Variants in ILDR1 observed in about 807,000 individuals in gnomAD.
The protein encoded by ILDR1 is immunoglobulin like domain containing receptor 1, also known as immunoglobulin-like domain-containing receptor 1.
In ILDR1, 56 loss-of-function variants were observed where a neutral mutation model predicts 62.4. The ratio of observed to expected loss-of-function variants is 0.90; its 90% CI spans 0.72 to 1.12. ILDR1 has a LOEUF of 1.12. Ranked by LOEUF, ILDR1 falls within the 50% of genes most tolerant of loss-of-function variation. ILDR1 has a pLI of 0.00. For synonymous variants in ILDR1, 284 were observed against 277.8 expected, an observed-to-expected ratio of 1.02 and a Z score of -0.22; for missense variants, 736 against 710.6, an observed-to-expected ratio of 1.04 and a Z score of -0.41.
At chr3:122,055,590 T>C in the ILDR1 span, 1 of 1,212,840 alleles carries the variant, frequency 8.2e-7, no homozygotes, top group Non-Finnish European at 1.2e-6. Context: ...CTTTGATGTG[T>C]GTCCTTCACT....
chr3:122,030,623 T>TTTTCTCTCTC, the ILDR1 span, among the ~76,000 whole-genome samples: 2 of 147,526 alleles, frequency 1.4e-5, no homozygotes, highest in African/African-American at 2.5e-5. Context: ...GCAAGGGTTT[T>TTTTCTCTCTC]TCTCTCTCTC....
chr3:122,024,181 G>T (rs2071902569), upstream of ILDR1, among the ~76,000 whole-genome samples: 2 of 152,204 alleles, frequency 1.3e-5, no homozygotes, highest in South Asian at 4.1e-4. Context: ...AGAAATGCTG[G>T]ATTAAACTAA....
At chr3:121,994,153 C>G in intron 6 of ILDR1, 29 bp downstream of exon 6, 1 of 1,535,312 alleles carries the variant, frequency 6.5e-7, no homozygotes, top group South Asian at 1.2e-5. Flanking sequence ...CTCTGCCCTC[C>G]CCTATCCCAA....
chr3:122,051,404 G>T, the ILDR1 span, among the ~76,000 whole-genome samples: 1 of 151,974 alleles, frequency 6.6e-6, no homozygotes, highest in Non-Finnish European at 1.5e-5. Context: ...GCTTGATCAA[G>T]TCTGTAGTTG....
chr3:122,045,394 G>A, the ILDR1 span, among the ~76,000 whole-genome samples: 1 of 151,984 alleles, frequency 6.6e-6, no homozygotes, highest in Non-Finnish European at 1.5e-5. Flanking sequence ...TGTATATTGT[G>A]TTGATTTGGG....
chr3:122,003,121 C>T (rs76707403), intron 3 of ILDR1, among the ~76,000 whole-genome samples: 3,921 of 152,314 alleles, frequency 0.026, 66 homozygotes, highest in Non-Finnish European at 0.04. Context: ...AGGGCAGCCT[C>T]CGTGTGAAGT....
intron 1 of ILDR1, among the ~76,000 whole-genome samples, chr3:122,018,893 C>T (rs1043466933): frequency 2.6e-5 from 4 of 152,178 alleles, no homozygotes; most frequent in East Asian, 1.9e-4. Context: ...ATTAAGTCTA[C>T]GGTATGGTCC....
At chr3:122,008,098 T>C (rs903066979) in intron 1 of ILDR1, among the ~76,000 whole-genome samples, 1 of 152,212 alleles carries the variant, frequency 6.6e-6, no homozygotes, top group Non-Finnish European at 1.5e-5. Flanking sequence ...ATGGAATGAA[T>C]GACTAAGAAT....
At chr3:122,021,890 C>T in intron 1 of ILDR1, 130 bp downstream of exon 1, 3 of 820,312 alleles carry the variant, frequency 3.7e-6, no homozygotes, top group Non-Finnish European at 6.0e-6. Flanking sequence ...CTCCTGGCGC[C>T]CATGCCAAGC....
the ILDR1 span, among the ~76,000 whole-genome samples, chr3:122,030,192 A>G: frequency 3.9e-5 from 6 of 152,170 alleles, no homozygotes; most frequent in Admixed American, 2.6e-4. Flanking sequence ...TCAACATTTT[A>G]TTATAAGGGG....
At chr3:121,991,335 A>G (rs562040992) in intron 7 of ILDR1, among the ~76,000 whole-genome samples, 1 of 152,378 alleles carries the variant, frequency 6.6e-6, no homozygotes, top group East Asian at 1.9e-4. Context: ...AAAGAAAATA[A>G]TTTAACTTAG....
chr3:122,037,300 C>A, the ILDR1 span, among the ~76,000 whole-genome samples: 1 of 152,214 alleles, frequency 6.6e-6, no homozygotes, highest in Admixed American at 6.5e-5. Context: ...AGGCACTCAA[C>A]ACCAGCCCAT....
chr3:122,035,570 A>G, the ILDR1 span, among the ~76,000 whole-genome samples: 1 of 152,204 alleles, frequency 6.6e-6, no homozygotes, highest in Non-Finnish European at 1.5e-5. Context: ...TATTCTCATG[A>G]TAGTGAGTAA....
the ILDR1 span, among the ~76,000 whole-genome samples, chr3:122,029,029 C>T: frequency 1.3e-5 from 2 of 151,876 alleles, no homozygotes; most frequent in African/African-American, 2.4e-5. Context: ...TGTTTATTCA[C>T]GAGTGAGATA....
At chr3:122,057,559 C>G in the ILDR1 span, among the ~76,000 whole-genome samples, 1 of 151,982 alleles carries the variant, frequency 6.6e-6, no homozygotes, top group Non-Finnish European at 1.5e-5. Flanking sequence ...CTACTGTGTG[C>G]TTTTCAATTT....
chr3:122,005,231 C>G lies in ILDR1; in HGVS notation c.379+13G>C, dbSNP rs1192368591. 7.0e-7 allele frequency: 1 copy of G among 1,423,150 alleles called. No homozygotes were observed. The highest frequency in any genetic ancestry group is 1.1e-5 in the South Asian group (1 of 87,334). The allele number at this position is 1,423,150 out of a possible 1,614,324, so 88.2% of individuals were successfully genotyped here. ...CCCACCCCCAGTTCCCCTGACACCT[C>G]CCCCGCACTCACGGTTCTGGATGGT... is the stretch of plus-strand genomic sequence containing the variant. On this transcript the variant is annotated intron_variant, in intron 3 of 7. Transcript: ENST00000344209.
the ILDR1 span, among the ~76,000 whole-genome samples, chr3:122,028,267 T>C: frequency 2.3e-5 from 3 of 132,686 alleles, no homozygotes; most frequent in South Asian, 2.3e-4. Flanking sequence ...ACCCGGGAGG[T>C]GGAGCTTGCA....
the ILDR1 span, among the ~76,000 whole-genome samples, chr3:122,040,721 T>A: frequency 8.9e-6 from 1 of 111,922 alleles, no homozygotes. Flanking sequence ...GAAATCCAGA[T>A]GCAAAAAAAA....
At chr3:122,045,464 G>C in the ILDR1 span, among the ~76,000 whole-genome samples, 1 of 152,128 alleles carries the variant, frequency 6.6e-6, no homozygotes, top group African/African-American at 2.4e-5. Context: ...TTCAATTCCT[G>C]GGTATCCCTG....
Sources: gnomAD v4.1 joint callset for allele counts (sites outside exome capture counted in the v4.1 genomes callset) on GRCh38, gnomAD v4.1.1 for gene constraint, MANE v1.5 for transcripts, NCBI Gene and HGNC (gene_info 2026-07-23, HGNC 2026-07-21) for gene names.